CLK3: variants seen among roughly 807,000 people sequenced by gnomAD.
The protein encoded by CLK3 is CDC like kinase 3, also known as dual specificity protein kinase CLK3.
In CLK3, 24 loss-of-function variants were observed where a neutral mutation model predicts 65.2. The observed-to-expected ratio is 0.37, with a 90% CI of 0.27 to 0.52. The LOEUF (loss-of-function observed/expected upper bound fraction) is 0.52, where lower values mean the gene tolerates loss of function less well. CLK3 is among the 20% of genes least tolerant of loss of function. The pLI, the probability that CLK3 is intolerant of heterozygous loss-of-function variation, is 0.92. For missense variants in CLK3, 506 were observed against 660.0 expected (o/e 0.77, Z 2.56); for synonymous variants, 252 against 240.8 (o/e 1.05, Z -0.43).
chr15:74,619,266 A>T lies in CLK3; in HGVS notation c.70A>T (p.Arg24Trp). ...PYLSYRWKRRRSYSREHEGRL... is the reference protein window; with the variant it reads ...PYLSYRWKRRWSYSREHEGRL... The stretch of plus-strand genomic sequence containing the variant: ...CCTGAGCTACCGATGGAAGAGGAGG[A>T]GGTCCTACAGTCGGGAACATGAAGG... The change falls in exon 2 of 13, where the codon AGG (arginine) becomes TGG (tryptophan). Residue 24 changes from arginine (R) to tryptophan (W), a missense_variant. Physicochemically the swap from Arg to Trp is moderately radical, Grantham distance 101. Around this residue, in one of 2 missense-constraint regions of CLK3, gnomAD observed 181 missense variants for 159.4 expected, o/e 1.14. Coordinates refer to ENST00000395066, the MANE Select transcript of CLK3 (RefSeq NM_001130028.2). 1 of 1,614,162 alleles carries T rather than the reference A, an allele frequency of 6.2e-7. No individual in the cohort carries two copies. Among genetic ancestry groups the T allele is most frequent in the Non-Finnish European group, 8.5e-7 (1 of 1,180,008 alleles).
upstream of CLK3, chr15:74,615,087 C>T (rs900833195): frequency 4.0e-6 from 1 of 248,730 alleles, no homozygotes; most frequent in Non-Finnish European, 7.7e-6. Context: ...ACGCTCGAGG[C>T]CTCTGCAAAA....
rs1193541042 is a variant in CLK3 at position 74,622,435 on chromosome 15, C to G, written c.467-59C>G. 7 of 1,326,794 alleles carry G rather than the reference C, an allele frequency of 5.3e-6. No individual in the cohort carries two copies. The African/African-American group carries it at 7.4e-5, about 14-fold the overall frequency. The allele number at this position is 1,326,794 out of a possible 1,614,324, so 82.2% of individuals were successfully genotyped here. A position where few individuals can be genotyped will look rare whatever the true frequency, so the allele number is the denominator to read the frequency against. On this transcript the variant is annotated intron_variant, in intron 4 of 12. Coordinates refer to ENST00000395066, the MANE Select transcript of CLK3 (RefSeq NM_001130028.2). This position sits in a 1 kb window ranked among gnomAD's most constrained non-coding sequence, Gnocchi z 4.6. ...TGAGAATTTGAATGCTGTGAACTTG[C>G]AGGAGCTGCCAACCCCCTGCCCTCC...
chr15:74,629,310 T>A (rs899081940), intron 12 of CLK3: 2 of 544,184 alleles, frequency 3.7e-6, no homozygotes, highest in Non-Finnish European at 6.5e-6. Flanking sequence ...TTCCTGTCCC[T>A]CTCTCTCCTC....
Position 74,628,926 on chromosome 15 carries a change from C to A in CLK3, c.1206-16C>A. 6.3e-7 allele frequency: 1 copy of A among 1,581,796 alleles called. No homozygotes were observed. Among genetic ancestry groups the A allele is most frequent in the South Asian group, 1.1e-5 (1 of 90,430 alleles). On this transcript the variant is annotated splice_polypyrimidine_tract_variant and intron_variant, in intron 11 of 12. Transcript: ENST00000395066. ...CTTACTACTCCCACACTTGACTCCA[C>A]CCCCTTAATTTTCAGGAAGCAGAAA...
Position 74,627,811 on chromosome 15 carries a change from A to G in CLK3, c.1042+143A>G. ...CCAAGGGGCCAGTGTCATGAGACACAGGTGACTGACCTGGCTTTATCTGTC... is the reference window on the plus strand; with the variant it reads ...CCAAGGGGCCAGTGTCATGAGACACGGGTGACTGACCTGGCTTTATCTGTC... On this transcript the variant is annotated intron_variant, in intron 9 of 12. Transcript: ENST00000395066. The surrounding 1 kb of genome is among the most constrained non-coding windows in gnomAD (Gnocchi z 4.3). The G allele has an allele frequency of 1.5e-6, 2 of 1,295,068 alleles. No homozygotes were observed. Among genetic ancestry groups the G allele is most frequent in the East Asian group, 2.3e-5 (1 of 43,142 alleles). 80.2% of individuals were successfully genotyped at this position (1,295,068 alleles called of 1,614,324 possible).
Position 74,625,936 on chromosome 15 carries a change from A to G in CLK3, c.785A>G (p.His262Arg). 1 of 1,614,182 alleles carries G rather than the reference A, an allele frequency of 6.2e-7. No homozygotes were observed. Among genetic ancestry groups the G allele is most frequent in the Non-Finnish European group, 8.5e-7 (1 of 1,180,002 alleles). ...CCTTACCCCCTACCACATGTCCGGC[A>G]CATGGCCTACCAGCTCTGCCACGCC... ...FQPYPLPHVR[H>R]MAYQLCHALR... The change falls in exon 7 of 13, where the codon CAC (histidine) becomes CGC (arginine). Residue 262 changes from histidine (H) to arginine (R), a missense_variant. Physicochemically the swap from His to Arg is conservative, Grantham distance 29. Coordinates refer to ENST00000395066, the MANE Select transcript of CLK3 (RefSeq NM_001130028.2).
chr15:74,615,333 G>A, upstream of CLK3: 2 of 969,112 alleles, frequency 2.1e-6, no homozygotes, highest in East Asian at 3.3e-5. Flanking sequence ...CAAAAAACCC[G>A]CACACACCAA....
Position 74,620,123 on chromosome 15 carries a change from T to C in CLK3, c.267T>C (p.Ser89=). 6.2e-7 allele frequency: 1 copy of C among 1,614,150 alleles called. No homozygotes were observed. The highest frequency in any genetic ancestry group is 8.5e-7 in the Non-Finnish European group (1 of 1,180,028). ...AGGACTACTATGGACCTTCACGTTC[T>C]CGTCATCGTCGGCGATCGCGGGAGA... is the stretch of plus-strand genomic sequence containing the variant. ...FGEDYYGPSR[S]RHRRRSRERG... The change falls in exon 3 of 13, where the codon TCT becomes TCC. Residue 89 remains serine (S), a synonymous_variant. Coordinates refer to ENST00000395066, the MANE Select transcript of CLK3 (RefSeq NM_001130028.2).
rs970994816 is a variant in CLK3, at chr15:74,626,874, A to T, written c.818-478A>T. The T allele has an allele frequency of 7.3e-5, 30 of 411,854 alleles. No individual in the cohort carries two copies. In the Admixed American group the frequency reaches 7.7e-4, roughly 11 times the overall value. 25.5% of individuals were successfully genotyped at this position (411,854 alleles called of 1,614,324 possible). A position where few individuals can be genotyped will look rare whatever the true frequency, so the allele number is the denominator to read the frequency against. On this transcript the variant is annotated intron_variant, in intron 7 of 12. Transcript: ENST00000395066. Reference sequence around the variant, plus strand: ...GAGAGGCGGGGCTGTCTTCCTGGGTATGCGACCTGTGCACTCAGTCGCACA... The same window carrying T: ...GAGAGGCGGGGCTGTCTTCCTGGGTTTGCGACCTGTGCACTCAGTCGCACA...
Position 74,624,528 on chromosome 15 carries a change from G to GTA in CLK3, c.534-374_534-373insTA. 2 of 225,012 alleles carry GTA rather than the reference G, an allele frequency of 8.9e-6. No homozygotes were observed. Among genetic ancestry groups the GTA allele is most frequent in the Admixed American group, 5.2e-5 (1 of 19,230 alleles). The allele number at this position is 225,012 out of a possible 1,614,324, so 13.9% of individuals were successfully genotyped here. A position where few individuals can be genotyped will look rare whatever the true frequency, so the allele number is the denominator to read the frequency against. ...AGGCGCCGCAGGAGGGTTCTCGGTG[G>GTA]GACAGCCTGGCCAGGGTTGGGGCTG... On this transcript the variant is annotated intron_variant, in intron 5 of 12. Coordinates refer to ENST00000395066, the MANE Select transcript of CLK3 (RefSeq NM_001130028.2). This position sits in a 1 kb window ranked among gnomAD's most constrained non-coding sequence, Gnocchi z 4.2.
At chr15:74,615,749 G>GC, upstream of CLK3, 1 of 1,238,654 alleles carries the variant, frequency 8.1e-7, no homozygotes, top group Non-Finnish European at 1.0e-6. Context: ...GGCTAGAGCG[G>GC]CCAGGCCTCC....
chr15:74,619,925 C>T, intron 2 of CLK3, 84 bp from the exon 3 acceptor site: 1 of 1,593,868 alleles, frequency 6.3e-7, no homozygotes, highest in Non-Finnish European at 8.5e-7. Flanking sequence ...CCCCTTTAGC[C>T]CTTTACAGTG....
intron 1 of CLK3, among the ~76,000 whole-genome samples, chr15:74,609,242 G>A (rs2061953586): frequency 6.6e-6 from 1 of 152,180 alleles, no homozygotes; most frequent in Non-Finnish European, 1.5e-5. Context: ...ACTTCCTCTG[G>A]GTCTCAGCCC....
Position 74,627,263 on chromosome 15 carries a change from TGCTG to T in CLK3, c.818-86_818-83del. On this transcript the variant is annotated intron_variant, in intron 7 of 12. Coordinates refer to ENST00000395066, the MANE Select transcript of CLK3 (RefSeq NM_001130028.2). This position sits in a 1 kb window ranked among gnomAD's most constrained non-coding sequence, Gnocchi z 4.3. ...TGGGGGTGTGAGGACCTCTGGCAGTTGCTGGCATTGGAAGAGGGGTCTGGCCTAG... is the reference window on the plus strand; with the variant it reads ...TGGGGGTGTGAGGACCTCTGGCAGTTGCATTGGAAGAGGGGTCTGGCCTAG... The T allele has an allele frequency of 6.0e-6, 6 of 1,005,048 alleles. No individual in the cohort carries two copies. In the South Asian group the frequency reaches 7.7e-5, roughly 13 times the overall value. 62.3% of individuals were successfully genotyped at this position (1,005,048 alleles called of 1,614,324 possible).
Position 74,628,911 on chromosome 15 carries a change from C to T in CLK3, c.1206-31C>T, listed in dbSNP as rs371170445. The stretch of plus-strand genomic sequence containing the variant: ...CCAGAGGCTTGTCCCCTTACTACTC[C>T]CACACTTGACTCCACCCCCTTAATT... On this transcript the variant is annotated intron_variant, in intron 11 of 12. Transcript: ENST00000395066. The T allele has an allele frequency of 4.0e-6, 6 of 1,508,206 alleles. No homozygotes were observed. In the African/African-American group the frequency reaches 8.2e-5, roughly 21 times the overall value. 93.4% of individuals were successfully genotyped at this position (1,508,206 alleles called of 1,614,324 possible).
At chr15:74,610,520 GC>G (rs2061975811) in intron 1 of CLK3, among the ~76,000 whole-genome samples, 8 of 152,240 alleles carry the variant, frequency 5.3e-5, no homozygotes, top group Admixed American at 4.6e-4. Flanking sequence ...GATAACGCAG[GC>G]GGACTGGCAG....
intron 1 of CLK3, among the ~76,000 whole-genome samples, chr15:74,609,857 G>T (rs1404927932): frequency 1.3e-5 from 2 of 152,234 alleles, no homozygotes; most frequent in Non-Finnish European, 2.9e-5. Flanking sequence ...AGGGCATGTT[G>T]TGGCAGGGTC....
upstream of CLK3, chr15:74,613,521 G>C (rs937619259): frequency 1.1e-4 from 17 of 152,354 alleles, no homozygotes; most frequent in African/African-American, 4.1e-4. Context: ...GCTGCAAAGT[G>C]TGGAGAGGGA....
At chr15:74,612,846 G>A (rs1210098662), upstream of CLK3, among the ~76,000 whole-genome samples, 1 of 152,196 alleles carries the variant, frequency 6.6e-6, no homozygotes, top group Non-Finnish European at 1.5e-5. Context: ...ACTCTACCTG[G>A]GTGCTCTGTC....
Sources: gnomAD v4.1 joint callset for allele counts (sites outside exome capture counted in the v4.1 genomes callset) on GRCh38, gnomAD v4.1.1 for gene constraint, gnomAD v4.1.1 regional missense constraint, Gnocchi (gnomAD v3.1) non-coding constraint, MANE v1.5 for transcripts, NCBI Gene and HGNC (gene_info 2026-07-23, HGNC 2026-07-21) for gene names.